The following TMEM178B variants were observed in gnomAD, a reference collection of about 807,000 sequenced individuals.
The protein encoded by TMEM178B is transmembrane protein 178B.
In TMEM178B, 5 loss-of-function variants were observed where a neutral mutation model predicts 31.0. That is an observed-to-expected ratio of 0.16 (90% CI 0.08 to 0.34). The LOEUF (loss-of-function observed/expected upper bound fraction) is 0.34, where lower values mean the gene tolerates loss of function less well. Among genes scored for constraint, TMEM178B ranks in the 10% least tolerant of loss-of-function variants. The pLI, the probability that TMEM178B is intolerant of heterozygous loss-of-function variation, is 1.00. For synonymous variants in TMEM178B, 164 were observed against 164.0 expected (o/e 1.00, Z 0.00); for missense variants, 275 against 400.3 (o/e 0.69, Z 2.67).
chr7:141,236,415 C>A (rs946377080), intron 2 of TMEM178B, among the ~76,000 whole-genome samples: 1 of 152,168 alleles, frequency 6.6e-6, no homozygotes, highest in Non-Finnish European at 1.5e-5. Context: ...CTTCTTTCTC[C>A]CCTGGCTGCA....
chr7:141,320,947 T>A (rs1557973), intron 2 of TMEM178B, among the ~76,000 whole-genome samples: 1 of 151,832 alleles, frequency 6.6e-6, no homozygotes, highest in African/African-American at 2.4e-5. Flanking sequence ...TTCAGGTGGG[T>A]GGAACCTTGC....
rs77343810 is a variant in TMEM178B, at chr7:141,198,943, T to G, written c.383-13648T>G. 9.7e-3 allele frequency among the ~76,000 whole-genome samples: 1,477 copies of G among 152,282 alleles called. 45 individuals are homozygous for G. Among genetic ancestry groups the G allele is most frequent in the Admixed American group, 0.059 (906 of 15,298 alleles). ...GATGTGATGGGAATAAGGGATAGAT[T>G]ATTTACTACACACCAGATGGTAATC... is the stretch of plus-strand genomic sequence containing the variant. On this transcript the variant is annotated intron_variant, in intron 1 of 3. Transcript: ENST00000565468.
intron 2 of TMEM178B, among the ~76,000 whole-genome samples, chr7:141,313,070 G>T (rs60325892): frequency 0.063 from 9,588 of 152,242 alleles, 416 homozygotes; most frequent in Non-Finnish European, 0.096. Flanking sequence ...AGTTGCTCTG[G>T]TTCAAATGCC....
intron 2 of TMEM178B, among the ~76,000 whole-genome samples, chr7:141,325,265 A>T (rs1799169015): frequency 6.6e-6 from 1 of 152,166 alleles, no homozygotes; most frequent in Admixed American, 6.5e-5. Flanking sequence ...ATGCAGGCAA[A>T]ATGCCTGAGA....
intron 1 of TMEM178B, among the ~76,000 whole-genome samples, chr7:141,196,200 C>G (rs1796780950): frequency 1.3e-5 from 2 of 152,284 alleles, no homozygotes; most frequent in South Asian, 4.1e-4. Context: ...CTATAATATT[C>G]TATCATGTGA....
At chr7:141,220,121 C>A (rs1356218803) in intron 2 of TMEM178B, among the ~76,000 whole-genome samples, 1 of 151,962 alleles carries the variant, frequency 6.6e-6, no homozygotes, top group Admixed American at 6.6e-5. Context: ...GGGTTCGAGA[C>A]CAGTCTGGCT....
At chr7:141,339,660 T>C (rs889189888) in intron 2 of TMEM178B, among the ~76,000 whole-genome samples, 4 of 152,206 alleles carry the variant, frequency 2.6e-5, no homozygotes, top group Non-Finnish European at 4.4e-5. Context: ...AAGCAAATTC[T>C]CACCCCATCT....
chr7:141,462,416 G>C (rs1802075223), intron 3 of TMEM178B, among the ~76,000 whole-genome samples: 1 of 152,056 alleles, frequency 6.6e-6, no homozygotes, highest in Admixed American at 6.6e-5. Flanking sequence ...ACATGAACCA[G>C]TCGTGGGAGT....
At chr7:141,221,792 C>T (rs912225579) in intron 2 of TMEM178B, among the ~76,000 whole-genome samples, 2 of 152,172 alleles carry the variant, frequency 1.3e-5, no homozygotes, top group South Asian at 4.1e-4. Flanking sequence ...GGTAACAGAG[C>T]AAGTAACCAA....
intron 2 of TMEM178B, among the ~76,000 whole-genome samples, chr7:141,337,149 CCACCACCAT>C (rs1563155371): frequency 7.1e-5 from 2 of 28,164 alleles, no homozygotes; most frequent in Non-Finnish European, 6.3e-5. Flanking sequence ...ACCATCATCA[CCACCACCAT>C]CACCACCACC....
intron 2 of TMEM178B, among the ~76,000 whole-genome samples, chr7:141,415,700 C>G (rs150369073): frequency 2.6e-5 from 4 of 152,300 alleles, no homozygotes; most frequent in East Asian, 3.9e-4. Context: ...GGGGGACAGA[C>G]AGATTGCGAG....
chr7:141,152,784 A>G (rs1339846336), intron 1 of TMEM178B, among the ~76,000 whole-genome samples: 1 of 152,262 alleles, frequency 6.6e-6, no homozygotes, highest in African/African-American at 2.4e-5. Flanking sequence ...GTGGAGGCCA[A>G]GGCCAAATCT....
intron 1 of TMEM178B, among the ~76,000 whole-genome samples, chr7:141,093,439 CTTT>C (rs1794910437): frequency 6.6e-6 from 1 of 152,080 alleles, no homozygotes; most frequent in South Asian, 2.1e-4. Context: ...TTTGAGGTGC[CTTT>C]TTAGTTGCTC....
intron 2 of TMEM178B, among the ~76,000 whole-genome samples, chr7:141,375,094 A>G (rs1235392532): frequency 6.6e-6 from 1 of 152,224 alleles, no homozygotes; most frequent in East Asian, 1.9e-4. Context: ...TGCAGATTTG[A>G]AGAACAGTTC....
chr7:141,281,636 G>A lies in TMEM178B; in HGVS notation c.496+68932G>A, dbSNP rs181619509. 1.6e-3 allele frequency among the ~76,000 whole-genome samples: 247 copies of A among 152,250 alleles called. 1 individual carries two copies. The Middle Eastern group carries it at 0.031, about 19-fold the overall frequency. On this transcript the variant is annotated intron_variant, in intron 2 of 3. Coordinates refer to ENST00000565468, the MANE Select transcript of TMEM178B (RefSeq NM_001195278.2). ...GTTCCTGTTTGTCCTGTGTGCTACC[G>A]GTGAGGAACACAGAGACCTCTTTCT...
chr7:141,227,452 AC>A (rs1797363550), intron 2 of TMEM178B, among the ~76,000 whole-genome samples: 1 of 152,160 alleles, frequency 6.6e-6, no homozygotes, highest in Non-Finnish European at 1.5e-5. Flanking sequence ...TGCCTGACAT[AC>A]CTTATTCACT....
At chr7:141,223,707 G>T (rs563900398) in intron 2 of TMEM178B, among the ~76,000 whole-genome samples, 11 of 152,164 alleles carry the variant, frequency 7.2e-5, no homozygotes, top group African/African-American at 2.6e-4. Flanking sequence ...CATCTGAGGA[G>T]CCTTCTGGGG....
At chr7:141,076,203 G>A (rs1225961260) in intron 1 of TMEM178B, among the ~76,000 whole-genome samples, 2 of 152,196 alleles carry the variant, frequency 1.3e-5, no homozygotes, top group South Asian at 2.1e-4. Flanking sequence ...ACCAACTTGG[G>A]TTTGGCTGCC....
chr7:141,117,722 G>T (rs1185513280), intron 1 of TMEM178B, among the ~76,000 whole-genome samples: 1 of 152,132 alleles, frequency 6.6e-6, no homozygotes, highest in Non-Finnish European at 1.5e-5. Context: ...TCAGTATTCT[G>T]CATATGGCTA....
Sources: allele counts gnomAD v4.1 joint callset (sites outside exome capture counted in the v4.1 genomes callset), GRCh38; gene constraint gnomAD v4.1.1; transcripts MANE v1.5; gene names NCBI Gene and HGNC (gene_info 2026-07-23, HGNC 2026-07-21).